Variants in TBC1D15 observed in about 807,000 individuals in gnomAD.
TBC1D15 encodes the protein TBC1 domain family member 15.
TBC1D15 carries 39 observed loss-of-function variants against 95.4 expected under a neutral mutation model. The ratio of observed to expected loss-of-function variants is 0.41; its 90% confidence interval spans 0.32 to 0.53. TBC1D15 has a LOEUF of 0.53. Ranked by LOEUF, TBC1D15 falls within the 20% of genes least tolerant of loss-of-function variation. TBC1D15 has a pLI of 0.29. For synonymous variants in TBC1D15, 258 were observed against 261.3 expected (o/e 0.99, Z 0.12); for missense variants, 733 against 794.3 (o/e 0.92, Z 0.93).
At chr12:71,880,656 T>G (rs777802352) in intron 4 of TBC1D15, 49 bp downstream of exon 4, 1 of 1,514,418 alleles carries the variant, frequency 6.6e-7, no homozygotes, top group Non-Finnish European at 8.8e-7. Flanking sequence ...TACAGTATAC[T>G]AATAAACAAA....
At chr12:71,861,508 C>A in intron 1 of TBC1D15, 1 of 1,524,126 alleles carries the variant, frequency 6.6e-7, no homozygotes, top group Non-Finnish European at 8.8e-7. Flanking sequence ...TAGGTAGTCT[C>A]TCTAATGATC....
chr12:71,849,326 C>T lies in TBC1D15; in HGVS notation c.30+9515C>T, dbSNP rs112383212. 5 of 1,179,034 alleles carry T rather than the reference C, an allele frequency of 4.2e-6. No homozygotes were observed. The African/African-American group carries it at 6.1e-5, about 14-fold the overall frequency. The allele number at this position is 1,179,034 out of a possible 1,614,324, so 73.0% of individuals were successfully genotyped here. On this transcript the variant is annotated intron_variant, in intron 1 of 16. Coordinates refer to ENST00000485960, the MANE Select transcript of TBC1D15 (RefSeq NM_001146213.3). ...AGAAGAATCTTTTTAGGTAAGGAGG[C>T]TATCATAGGAGGCAATGGAGCTTCT... is the stretch of plus-strand genomic sequence containing the variant.
chr12:71,886,298 A>G (rs1311762988), intron 5 of TBC1D15, among the ~76,000 whole-genome samples: 1 of 152,114 alleles, frequency 6.6e-6, no homozygotes, highest in Non-Finnish European at 1.5e-5. Flanking sequence ...CCTCCTGAGC[A>G]GCTGGGATTA....
chr12:71,843,634 T>C (rs1885614084), intron 1 of TBC1D15, among the ~76,000 whole-genome samples: 1 of 152,066 alleles, frequency 6.6e-6, no homozygotes, highest in Non-Finnish European at 1.5e-5. Flanking sequence ...AACACAGACT[T>C]GTATTATTAT....
At chr12:71,840,094 G>A (rs1884541097) in intron 1 of TBC1D15, among the ~76,000 whole-genome samples, 1 of 152,156 alleles carries the variant, frequency 6.6e-6, no homozygotes, top group Admixed American at 6.5e-5. Context: ...AGGGACAGGT[G>A]GCTCTCTAGT....
At chr12:71,852,430 A>T (rs1047564866) in intron 1 of TBC1D15, among the ~76,000 whole-genome samples, 3 of 152,210 alleles carry the variant, frequency 2.0e-5, no homozygotes, top group East Asian at 1.9e-4. Flanking sequence ...TCTGGTAGTT[A>T]TGCAAATTTC....
intron 12 of TBC1D15, among the ~76,000 whole-genome samples, chr12:71,916,539 TA>T (rs1903748110): frequency 6.6e-6 from 1 of 152,184 alleles, no homozygotes; most frequent in African/African-American, 2.4e-5. Context: ...TTAATAGACT[TA>T]AATTTTTTTT....
chr12:71,873,064 A>G, intron 3 of TBC1D15, 61 bp downstream of exon 3: 1 of 1,164,826 alleles, frequency 8.6e-7, no homozygotes, highest in Non-Finnish European at 1.2e-6. Flanking sequence ...AGTATTATCC[A>G]TATATAATTC....
At chr12:71,852,373 G>A (rs1192103388) in intron 1 of TBC1D15, among the ~76,000 whole-genome samples, 1 of 152,222 alleles carries the variant, frequency 6.6e-6, no homozygotes, top group Non-Finnish European at 1.5e-5. Flanking sequence ...TCTCTGAAAT[G>A]CCTTCAAGGC....
intron 3 of TBC1D15, among the ~76,000 whole-genome samples, chr12:71,879,295 G>C (rs780380220): frequency 2.0e-5 from 3 of 151,974 alleles, no homozygotes; most frequent in Non-Finnish European, 2.9e-5. Flanking sequence ...ACCATGTCTG[G>C]CTAACTTTTT....
At chr12:71,854,724 T>C in intron 1 of TBC1D15, 1 of 456,002 alleles carries the variant, frequency 2.2e-6, no homozygotes, top group Non-Finnish European at 4.4e-6. Context: ...TCCTTCTCAT[T>C]GATAGTCTGT....
At chr12:71,862,679 C>A (rs530149334) in intron 1 of TBC1D15, among the ~76,000 whole-genome samples, 14 of 152,228 alleles carry the variant, frequency 9.2e-5, no homozygotes, top group African/African-American at 3.1e-4. Context: ...CCTCTCATTT[C>A]GTTAATTGTT....
intron 1 of TBC1D15, chr12:71,854,443 T>C (rs2137998148): frequency 2.4e-6 from 1 of 412,900 alleles, no homozygotes; most frequent in Non-Finnish European, 4.8e-6. Context: ...AATGTTTGTG[T>C]TCCAAATTTG....
At chr12:71,882,348 A>G (rs1895367614) in intron 4 of TBC1D15, among the ~76,000 whole-genome samples, 2 of 152,180 alleles carry the variant, frequency 1.3e-5, no homozygotes, top group Admixed American at 1.3e-4. Context: ...TGTTTGTTCT[A>G]GAGATCCATC....
chr12:71,898,572 A>C (rs1898680909), intron 10 of TBC1D15, among the ~76,000 whole-genome samples: 1 of 152,300 alleles, frequency 6.6e-6, no homozygotes, highest in African/African-American at 2.4e-5. Flanking sequence ...GAGAAACTGA[A>C]GCATGGAGAA....
At chr12:71,896,585 A>C in intron 8 of TBC1D15, 92 bp from the exon 9 acceptor site, 1 of 1,030,824 alleles carries the variant, frequency 9.7e-7, no homozygotes, top group Non-Finnish European at 1.4e-6. Context: ...CTACCTCTTA[A>C]AGATTAGTTT....
intron 1 of TBC1D15, chr12:71,850,062 T>C (rs1222284362): frequency 4.8e-5 from 25 of 519,532 alleles, no homozygotes; most frequent in Admixed American, 2.5e-5. Context: ...GGAACAGCCA[T>C]CGCTGTGAGT....
intron 5 of TBC1D15, among the ~76,000 whole-genome samples, chr12:71,888,348 C>T (rs1192576683): frequency 6.6e-6 from 1 of 151,990 alleles, no homozygotes; most frequent in East Asian, 1.9e-4. Context: ...CAGCTGTAAT[C>T]CCAGCTACTC....
Position 71,923,111 on chromosome 12 carries a change from T to G in TBC1D15, c.1932T>G (p.Asn644Lys), listed in dbSNP as rs1870068267. The G allele has an allele frequency of 1.2e-6, 2 of 1,614,056 alleles. No homozygotes were observed. The highest frequency in any genetic ancestry group is 1.7e-6 in the Non-Finnish European group (2 of 1,180,028). ...TPCPTSAFQS[N>K]ALPTLSASGA... ...GTCCTACATCTGCATTTCAAAGTAA[T>G]GCCTTGCCTACACTCTCTGCCAGTG... Residue 644 changes from asparagine to lysine, a missense_variant, in exon 17 of 17, where the codon AAT becomes AAG. Asn to Lys is a moderately conservative substitution (Grantham distance 94). Transcript: ENST00000485960.
Sources: gnomAD v4.1 joint callset for allele counts (sites outside exome capture counted in the v4.1 genomes callset) on GRCh38, gnomAD v4.1.1 for gene constraint, MANE v1.5 for transcripts, NCBI Gene and HGNC (gene_info 2026-07-23, HGNC 2026-07-21) for gene names.